SCAPER: variants seen among roughly 807,000 people sequenced by gnomAD.
The protein encoded by SCAPER is S phase cyclin A-associated protein in the endoplasmic reticulum.
SCAPER carries 98 observed loss-of-function variants against 182.2 expected under a neutral mutation model. The ratio of observed to expected loss-of-function variants is 0.54; its 90% confidence interval spans 0.46 to 0.64. SCAPER has a LOEUF of 0.64. Among genes scored for constraint, SCAPER ranks in the 30% least tolerant of loss-of-function variants. The pLI, the probability that SCAPER is intolerant of heterozygous loss-of-function variation, is 0.00. For synonymous variants in SCAPER, 605 were observed against 564.6 expected (o/e 1.07, Z -1.01); for missense variants, 1,432 against 1,690.0 (o/e 0.85, Z 2.68).
intron 4 of SCAPER, among the ~76,000 whole-genome samples, chr15:76,847,679 G>A (rs1449881082): frequency 1.3e-5 from 2 of 152,126 alleles, no homozygotes; most frequent in African/African-American, 4.8e-5. Flanking sequence ...TCAGCACTTT[G>A]GGGGACCAAG....
chr15:76,810,313 C>A (rs1488327114), intron 5 of SCAPER, among the ~76,000 whole-genome samples: 1 of 151,202 alleles, frequency 6.6e-6, no homozygotes, highest in Non-Finnish European at 1.5e-5. Flanking sequence ...TGTTAATGGG[C>A]ACAATATAAA....
rs60597958 is a variant in SCAPER, at chr15:76,778,643, ATGTG to A, written c.773-3530_773-3527del. Among the ~76,000 whole-genome samples the A allele has an allele frequency of 5.1e-3, 762 of 148,726 alleles. 5 individuals carry two copies. Among genetic ancestry groups the A allele is most frequent in the African/African-American group, 0.015 (621 of 40,766 alleles). On this transcript the variant is annotated intron_variant, in intron 8 of 31. Transcript: ENST00000563290. ...TATTTAAACACATAAGTGTGAGTGT[ATGTG>A]TGTGTGTGTGTGTGTGTGTATGTAT...
chr15:76,578,539 A>G (rs769610238), intron 22 of SCAPER, among the ~76,000 whole-genome samples: 7 of 152,210 alleles, frequency 4.6e-5, no homozygotes, highest in Non-Finnish European at 8.8e-5. Flanking sequence ...GGGAGAAAAT[A>G]AGGGAAGAGA....
intron 20 of SCAPER, among the ~76,000 whole-genome samples, chr15:76,697,484 C>T (rs917128611): frequency 2.0e-5 from 3 of 152,106 alleles, no homozygotes; most frequent in African/African-American, 7.2e-5. Flanking sequence ...TTCCGAAGTG[C>T]GTGAATCCTA....
chr15:76,827,404 C>T (rs1338123377), intron 5 of SCAPER, among the ~76,000 whole-genome samples: 1 of 152,152 alleles, frequency 6.6e-6, no homozygotes, highest in African/African-American at 2.4e-5. Flanking sequence ...GGCAGCTTAG[C>T]ACTAATTATA....
chr15:76,491,433 A>G (rs1231106520), intron 24 of SCAPER, among the ~76,000 whole-genome samples: 1 of 152,218 alleles, frequency 6.6e-6, no homozygotes, highest in Non-Finnish European at 1.5e-5. Flanking sequence ...AATTATATGT[A>G]AGAACATGTA....
intron 22 of SCAPER, among the ~76,000 whole-genome samples, chr15:76,577,245 AG>A (rs1031631432): frequency 1.3e-5 from 2 of 152,156 alleles, no homozygotes; most frequent in African/African-American, 4.8e-5. Flanking sequence ...CAGAAGTTCA[AG>A]ACCAGCCTGG....
chr15:76,620,705 T>A (rs2051954177), intron 22 of SCAPER, among the ~76,000 whole-genome samples: 1 of 152,222 alleles, frequency 6.6e-6, no homozygotes, highest in Non-Finnish European at 1.5e-5. Context: ...ACTTTTTCAC[T>A]GTTAAAAGTA....
chr15:76,510,818 C>T (rs532643851), intron 23 of SCAPER, among the ~76,000 whole-genome samples: 23 of 152,318 alleles, frequency 1.5e-4, no homozygotes, highest in African/African-American at 4.3e-4. Flanking sequence ...GTGGAACCAA[C>T]CCAAATGCCC....
intron 27 of SCAPER, among the ~76,000 whole-genome samples, chr15:76,387,117 T>G (rs1257540488): frequency 1.3e-5 from 2 of 152,188 alleles, no homozygotes; most frequent in Non-Finnish European, 2.9e-5. Context: ...GCCAACAGAT[T>G]TCCTGATAAA....
intron 23 of SCAPER, among the ~76,000 whole-genome samples, chr15:76,511,843 A>ATATATATATG (rs151255382): frequency 3.3e-4 from 41 of 123,292 alleles, no homozygotes; most frequent in Middle Eastern, 4.0e-3. Context: ...ATATATATAT[A>ATATATATATG]TGTGTGTGTG....
chr15:76,686,104 T>C (rs998163029), intron 20 of SCAPER, among the ~76,000 whole-genome samples: 5 of 152,082 alleles, frequency 3.3e-5, no homozygotes, highest in Middle Eastern at 3.4e-3. Flanking sequence ...TTTTTCCTAA[T>C]AGATATAAGA....
At chr15:76,538,694 T>A (rs1363608764) in intron 23 of SCAPER, among the ~76,000 whole-genome samples, 1 of 148,876 alleles carries the variant, frequency 6.7e-6, no homozygotes, top group Non-Finnish European at 1.5e-5. Flanking sequence ...TGTGCACATG[T>A]ACCCTAAAAC....
At chr15:76,493,520 T>C (rs2052536055) in intron 24 of SCAPER, among the ~76,000 whole-genome samples, 1 of 152,232 alleles carries the variant, frequency 6.6e-6, no homozygotes, top group African/African-American at 2.4e-5. Flanking sequence ...GAAAGTGTTA[T>C]GTTTCAAAGA....
intron 20 of SCAPER, among the ~76,000 whole-genome samples, chr15:76,677,064 A>G (rs2057408813): frequency 6.6e-6 from 1 of 152,178 alleles, no homozygotes; most frequent in Non-Finnish European, 1.5e-5. Flanking sequence ...TGTCACAGGC[A>G]CAAGTAAAAG....
intron 24 of SCAPER, among the ~76,000 whole-genome samples, chr15:76,476,735 AC>A (rs1567220453): frequency 6.6e-6 from 1 of 151,776 alleles, no homozygotes; most frequent in African/African-American, 2.4e-5. Context: ...GCGTTAGCCA[AC>A]ACACCTAGCC....
Position 76,621,793 on chromosome 15 carries a change from AT to A in SCAPER, c.2681del (p.Asn894IlefsTer15). ...CTTTATAAGGTGAATCAGAGCCAGAATTTTTGGTTTCCATTAAACTCTCATA... is the reference window on the plus strand; with the variant it reads ...CTTTATAAGGTGAATCAGAGCCAGAATTTTGGTTTCCATTAAACTCTCATA... Reference protein sequence around the residue: ...KEYESLMETKNSGSDSPYKAK... With the variant: ...KEYESLMETKXSGSDSPYKAK... On this transcript the variant is annotated frameshift_variant, in exon 22 of 32. Transcript: ENST00000563290. LOFTEE classifies it high-confidence loss of function. The A allele has an allele frequency of 6.2e-7, 1 of 1,608,386 alleles. No homozygotes were observed. Among genetic ancestry groups the A allele is most frequent in the Admixed American group, 1.7e-5 (1 of 59,312 alleles).
intron 27 of SCAPER, among the ~76,000 whole-genome samples, chr15:76,397,994 C>T (rs1303665501): frequency 1.3e-5 from 2 of 152,148 alleles, no homozygotes; most frequent in Admixed American, 1.3e-4. Context: ...CTCATTTGAG[C>T]CTCATAAGGA....
At chr15:76,536,403 G>A (rs540180118) in intron 23 of SCAPER, among the ~76,000 whole-genome samples, 9 of 152,188 alleles carry the variant, frequency 5.9e-5, no homozygotes, top group South Asian at 2.1e-4. Context: ...TGCCACTTGC[G>A]GTGTGACCTT....
Sources: gnomAD v4.1 joint callset for allele counts (sites outside exome capture counted in the v4.1 genomes callset) on GRCh38, gnomAD v4.1.1 for gene constraint, MANE v1.5 for transcripts, NCBI Gene and HGNC (gene_info 2026-07-23, HGNC 2026-07-21) for gene names.